Variants in SREK1 observed in about 807,000 individuals in gnomAD.
SREK1 encodes the protein splicing regulatory glutamine/lysine-rich protein 1.
In SREK1, 13 loss-of-function variants were observed where a neutral mutation model predicts 66.5. The observed-to-expected ratio is 0.20, with a 90% CI of 0.13 to 0.31. SREK1 has a LOEUF of 0.31. SREK1 is among the 10% of genes least tolerant of loss of function. The probability of loss-of-function intolerance (pLI) is 1.00; values close to 1 mark genes in which losing one functional copy is unlikely to be tolerated. For synonymous variants in SREK1, 265 were observed against 263.5 expected, an observed-to-expected ratio of 1.01 and a Z score of -0.05; for missense variants, 607 against 769.6, an observed-to-expected ratio of 0.79 and a Z score of 2.50.
At chr5:66,158,637 C>T in intron 2 of SREK1, 1 of 378,486 alleles carries the variant, frequency 2.6e-6, no homozygotes, top group Non-Finnish European at 4.5e-6. Context: ...GTTTGCATCA[C>T]AAATAGGTAG....
intron 9 of SREK1, among the ~76,000 whole-genome samples, chr5:66,172,678 C>CA (rs1272530693): frequency 1.3e-5 from 2 of 151,844 alleles, no homozygotes. Context: ...TTACAGGCAT[C>CA]AGTCACTGCA....
chr5:66,161,929 A>G (rs764732589), intron 3 of SREK1, among the ~76,000 whole-genome samples, 180 bp from the exon 4 acceptor site: 1 of 152,250 alleles, frequency 6.6e-6, no homozygotes, highest in African/African-American at 2.4e-5. Context: ...TTCAAATTAC[A>G]TTTAAAACTA....
At position 66,164,783 on chromosome 5, in the gene SREK1, A is replaced by T; in HGVS notation, c.887A>T (p.Glu296Val). The change falls in exon 7 of 12, where the codon GAG becomes GTG. Residue 296 changes from glutamate (E) to valine (V), a missense_variant and splice_region_variant. Glu to Val is a moderately radical substitution (Grantham distance 121). Transcript: ENST00000334121. ...QSFISAAIEP[E>V]SGKSNERKGG... Reference sequence around the variant, plus strand: ...CTGCAAAGTGATTTTTTCCTCCCAGAGTCTGGAAAGAGCAATGAAAGAAAA... The same window carrying T: ...CTGCAAAGTGATTTTTTCCTCCCAGTGTCTGGAAAGAGCAATGAAAGAAAA... The T allele has an allele frequency of 6.2e-7, 1 of 1,614,020 alleles. No homozygotes were observed.
intron 2 of SREK1, chr5:66,156,711 G>A (rs1256030180): frequency 1.0e-6 from 1 of 984,958 alleles, no homozygotes; most frequent in Non-Finnish European, 1.2e-6. Flanking sequence ...GTAAAGAAGA[G>A]CCTTTCATTT....
intron 2 of SREK1, chr5:66,156,106 G>C (rs1580633233): frequency 1.3e-6 from 2 of 1,500,954 alleles, no homozygotes; most frequent in South Asian, 1.3e-5. Context: ...ACTTGCCTGA[G>C]TTAGGCATTG....
chr5:66,176,275 A>G (rs1368805269), intron 10 of SREK1, among the ~76,000 whole-genome samples: 1 of 152,018 alleles, frequency 6.6e-6, no homozygotes, highest in Admixed American at 6.6e-5. Context: ...GTGCCCTTGG[A>G]TTGGTTTGAC....
intron 10 of SREK1, 72 bp from the exon 11 acceptor site, chr5:66,177,442 G>A: frequency 8.3e-7 from 1 of 1,210,548 alleles, no homozygotes. Flanking sequence ...TGTTAGAAAA[G>A]GATATTTTGT....
At chr5:66,170,336 T>C (rs1352355379) in intron 8 of SREK1, among the ~76,000 whole-genome samples, 166 bp downstream of exon 8, 2 of 152,326 alleles carry the variant, frequency 1.3e-5, no homozygotes, top group Non-Finnish European at 2.9e-5. Context: ...GGATTAATAT[T>C]GATTGCCAGT....
At chr5:66,145,432 C>A (rs1313949004) in intron 1 of SREK1, among the ~76,000 whole-genome samples, 2 of 151,852 alleles carry the variant, frequency 1.3e-5, no homozygotes, top group Admixed American at 1.3e-4. Flanking sequence ...ATATCAAAAT[C>A]CTTTGAGGGA....
At chr5:66,166,475 T>C (rs1045399048) in intron 7 of SREK1, 1 of 152,074 alleles carries the variant, frequency 6.6e-6, no homozygotes, top group African/African-American at 2.4e-5. Context: ...TATATTCCTT[T>C]TTTTTCCCCC....
intron 2 of SREK1, among the ~76,000 whole-genome samples, chr5:66,155,307 T>C (rs918162205): frequency 3.3e-5 from 5 of 152,216 alleles, no homozygotes; most frequent in Non-Finnish European, 7.4e-5. Context: ...TATTGCAATT[T>C]AGTTATAAGT....
intron 1 of SREK1, among the ~76,000 whole-genome samples, chr5:66,149,576 T>G (rs1335715388): frequency 6.6e-6 from 1 of 152,198 alleles, no homozygotes; most frequent in African/African-American, 2.4e-5. Flanking sequence ...TGAAGTAGAT[T>G]TCAACTAGGG....
At chr5:66,144,665 G>C in intron 1 of SREK1, 128 bp downstream of exon 1, 5 of 1,409,230 alleles carry the variant, frequency 3.5e-6, no homozygotes, top group Middle Eastern at 2.4e-4. Flanking sequence ...TTACCTTGGT[G>C]CCCATATTTG....
rs1025128673 is a variant in SREK1, at chr5:66,154,725, T to C, written c.295+1129T>C. Among the ~76,000 whole-genome samples, 7 of 152,156 alleles carry C rather than the reference T, an allele frequency of 4.6e-5. No homozygotes were observed. In the South Asian group the frequency reaches 1.4e-3, roughly 31 times the overall value. ...TAGGACATTCTCAGTATTTTTCAGA[T>C]AAATTTGGAAGTGTCTTTCCCATGC... On this transcript the variant is annotated intron_variant, in intron 2 of 11. Transcript: ENST00000334121.
intron 5 of SREK1, chr5:66,163,305 A>C (rs1744913565): frequency 6.5e-6 from 1 of 153,094 alleles, no homozygotes; most frequent in African/African-American, 2.4e-5. Context: ...TAGTAGAGGA[A>C]GAATTTTTTC....
In SREK1 at chr5:66,163,890, C is replaced by T. The variant is rs1744959188; in HGVS notation, c.854C>T (p.Ala285Val). 1.2e-6 allele frequency: 2 copies of T among 1,613,654 alleles called. No homozygotes were observed. The highest frequency in any genetic ancestry group is 1.7e-6 in the Non-Finnish European group (2 of 1,179,636). ...GAAGTAATGAAGCGAGTACGAGAAG[C>T]TCAGTCATTTATCTCAGCAGCTATT... ...LEEVMKRVRE[A>V]QSFISAAIEP... Residue 285 changes from alanine to valine, a missense_variant, in exon 6 of 12, where the codon GCT becomes GTT. Transcript: ENST00000334121.
chr5:66,167,742 A>G (rs1002753298), intron 7 of SREK1: 2 of 152,256 alleles, frequency 1.3e-5, no homozygotes, highest in African/African-American at 4.8e-5. Context: ...TATGAGAGTT[A>G]TACTTAATTT....
rs117416538 is a variant in SREK1, at chr5:66,151,624, A to G, written c.162-1839A>G. Among the ~76,000 whole-genome samples the G allele has an allele frequency of 1.4e-3, 209 of 152,262 alleles. 4 individuals are homozygous for G. The East Asian group carries it at 0.026, about 19-fold the overall frequency. On this transcript the variant is annotated intron_variant, in intron 1 of 11. Transcript: ENST00000334121. ...AGCAGGCACTTGTACCTGGGAGTCT[A>G]GAGCTCACAAGAGGCCTGAATTGGT...
At chr5:66,159,410 A>T in intron 3 of SREK1, 76 bp downstream of exon 3, 5 of 1,122,452 alleles carry the variant, frequency 4.5e-6, no homozygotes, top group Non-Finnish European at 6.0e-6. Context: ...GCTTCAGATT[A>T]TTTGCATTTG....
Sources: allele counts gnomAD v4.1 joint callset (sites outside exome capture counted in the v4.1 genomes callset), GRCh38; gene constraint gnomAD v4.1.1; transcripts MANE v1.5; gene names NCBI Gene and HGNC (gene_info 2026-07-23, HGNC 2026-07-21).